The following TEX19 variants were observed in gnomAD, a reference collection of about 807,000 sequenced individuals.
TEX19 encodes the protein testis expressed 19, also known as testis-expressed protein 19.
For synonymous variants in TEX19, 77 were observed against 73.9 expected (o/e 1.04, Z -0.21); for missense variants, 184 against 194.4 (o/e 0.95, Z 0.32).
At chr17:82,360,757 G>T (rs1189772942) in intron 1 of TEX19, among the ~76,000 whole-genome samples, 30 of 58,944 alleles carry the variant, frequency 5.1e-4, no homozygotes, top group Non-Finnish European at 5.4e-4. Context: ...TTTCCCTCAG[G>T]TTCCCCCAGT....
intron 1 of TEX19, among the ~76,000 whole-genome samples, chr17:82,360,621 T>TCAGTTTCCCTCAGGTTCCCC (rs1567853305): frequency 1.3e-5 from 1 of 77,094 alleles, no homozygotes; most frequent in African/African-American, 5.6e-5. Flanking sequence ...TCAGGTTCCC[T>TCAGTTTCCCTCAGGTTCCCC]CAGTTTCCCT....
chr17:82,360,662 C>T (rs2052380064), intron 1 of TEX19, among the ~76,000 whole-genome samples: 1 of 135,526 alleles, frequency 7.4e-6, no homozygotes, highest in Non-Finnish European at 1.6e-5. Flanking sequence ...CAGGTTCCCT[C>T]GGGTTCCCTC....
rs1368743757 is a variant in TEX19, at chr17:82,362,652, T to A, written c.*7T>A. 1.3e-6 allele frequency: 2 copies of A among 1,528,978 alleles called. No homozygotes were observed. The highest frequency in any genetic ancestry group is 2.6e-5 in the South Asian group (2 of 76,074). The allele number at this position is 1,528,978 out of a possible 1,614,324, so 94.7% of individuals were successfully genotyped here. A position where few individuals can be genotyped will look rare whatever the true frequency, so the allele number is the denominator to read the frequency against. Reference sequence around the variant, plus strand: ...AAGCTTCTTTCCTTCATAGCAGGGGTTTCTCAAAGTGGACCTGCCCCCAGG... The same window carrying A: ...AAGCTTCTTTCCTTCATAGCAGGGGATTCTCAAAGTGGACCTGCCCCCAGG... On this transcript the variant is annotated 3_prime_UTR_variant, in exon 2 of 2. Coordinates refer to ENST00000333437, the MANE Select transcript of TEX19 (RefSeq NM_207459.4). The surrounding 1 kb of genome is among the most constrained non-coding windows in gnomAD (Gnocchi z 5.5).
In TEX19 at chr17:82,362,465, A is replaced by T; in HGVS notation, c.315A>T (p.Ala105=). ...SEAWGPGTLA[A]APEGLEDAGL... is the part of the protein sequence containing the mutation. Reference sequence around the variant, plus strand: ...CATGGGGGCCAGGGACCCTGGCAGCAGCCCCAGAAGGGTTGGAAGATGCAG... The same window carrying T: ...CATGGGGGCCAGGGACCCTGGCAGCTGCCCCAGAAGGGTTGGAAGATGCAG... Residue 105 remains alanine, a synonymous_variant, in exon 2 of 2, where the codon GCA becomes GCT. Coordinates refer to ENST00000333437, the MANE Select transcript of TEX19 (RefSeq NM_207459.4). This position sits in a 1 kb window ranked among gnomAD's most constrained non-coding sequence, Gnocchi z 5.5. 1 of 1,612,816 alleles carries T rather than the reference A, an allele frequency of 6.2e-7. No individual in the cohort carries two copies. Among genetic ancestry groups the T allele is most frequent in the Non-Finnish European group, 8.5e-7 (1 of 1,179,858 alleles).
At chr17:82,360,788 G>T (rs1398427350) in intron 1 of TEX19, among the ~76,000 whole-genome samples, 173 of 45,858 alleles carry the variant, frequency 3.8e-3, no homozygotes, top group Admixed American at 5.6e-3. Flanking sequence ...TTTCCCTCAG[G>T]TTCCCCCAGT....
rs2052413213 is a variant in TEX19, at chr17:82,363,667, G to A, written c.*1022G>A. 1 of 167,058 alleles carries A rather than the reference G, an allele frequency of 6.0e-6. No individual in the cohort carries two copies. The highest frequency in any genetic ancestry group is 2.4e-5 in the African/African-American group (1 of 41,432). The allele number at this position is 167,058 out of a possible 1,614,324, so 10.3% of individuals were successfully genotyped here. ...GCACTAGGATCTCTGGTCTACAGTG[G>A]AGGGAGAGCTGGTTTTAAATGTTGG... On this transcript the variant is annotated 3_prime_UTR_variant, in exon 2 of 2. Transcript: ENST00000333437.
intron 1 of TEX19, among the ~76,000 whole-genome samples, chr17:82,359,537 AGGTTCCCTC>A (rs1447718066): frequency 5.6e-5 from 6 of 107,752 alleles, no homozygotes; most frequent in Non-Finnish European, 7.8e-5. Context: ...AGTTTCCCTC[AGGTTCCCTC>A]AGTTTCCCTC....
At position 82,363,638 on chromosome 17, in the gene TEX19, A is replaced by G. The variant is rs1201021189; in HGVS notation, c.*993A>G. 1.2e-5 allele frequency: 2 copies of G among 167,106 alleles called. No individual in the cohort carries two copies. The highest frequency in any genetic ancestry group is 2.9e-5 in the Non-Finnish European group (2 of 68,134). 10.4% of individuals were successfully genotyped at this position (167,106 alleles called of 1,614,324 possible). ...CTCAGGGGTGCCACAAGACCCTGTC[A>G]GCAGCACTAGGATCTCTGGTCTACA... On this transcript the variant is annotated 3_prime_UTR_variant, in exon 2 of 2. Transcript: ENST00000333437.
chr17:82,360,035 C>T (rs1342932421), intron 1 of TEX19, among the ~76,000 whole-genome samples: 42 of 123,604 alleles, frequency 3.4e-4, no homozygotes, highest in Non-Finnish European at 5.0e-4. Flanking sequence ...TCAGGTTCCC[C>T]CAGTTTCCCC....
At chr17:82,359,641 GC>G (rs2052361217) in intron 1 of TEX19, among the ~76,000 whole-genome samples, 3 of 128,398 alleles carry the variant, frequency 2.3e-5, no homozygotes, top group Admixed American at 7.6e-5. Flanking sequence ...GTTTCCCTCA[GC>G]TTCCCTCAGG....
Position 82,361,683 on chromosome 17 carries a change from G to T in TEX19, c.-271-197G>T, listed in dbSNP as rs115174669. 5.4e-4 allele frequency: 533 copies of T among 985,372 alleles called. 2 individuals are homozygous for T. The African/African-American group carries it at 8.7e-3, about 16-fold the overall frequency. 61.0% of individuals were successfully genotyped at this position (985,372 alleles called of 1,614,324 possible). On this transcript the variant is annotated intron_variant, in intron 1 of 1. Coordinates refer to ENST00000333437, the MANE Select transcript of TEX19 (RefSeq NM_207459.4). ...GATGGGCTGTTGGGGTCCCTGAGGT[G>T]TAGGGGGTGGCTGATGAGCCCGGGG...
intron 1 of TEX19, among the ~76,000 whole-genome samples, chr17:82,360,484 TTTCCCTCAGG>T (rs1166147920): frequency 3.2e-5 from 4 of 124,032 alleles, no homozygotes; most frequent in African/African-American, 6.7e-5. Context: ...GTTCCCCCAG[TTTCCCTCAGG>T]TTCCCTCAGG....
Position 82,362,554 on chromosome 17 carries a change from GC to G in TEX19, c.406del (p.Glu137ArgfsTer45). 6.2e-7 allele frequency: 1 copy of G among 1,611,870 alleles called. No homozygotes were observed. The highest frequency in any genetic ancestry group is 8.5e-7 in the Non-Finnish European group (1 of 1,179,486). ...WPQEAVPLGL[G>X]LEDADWTQGL... ...CAGGAGGCTGTGCCCCTGGGCCTGG[GC>G]CTTGAGGATGCTGACTGGACCCAGG... is the stretch of plus-strand genomic sequence containing the variant. On this transcript the variant is annotated frameshift_variant, in exon 2 of 2. Coordinates refer to ENST00000333437, the MANE Select transcript of TEX19 (RefSeq NM_207459.4). LOFTEE classifies it low-confidence loss of function (END_TRUNC). This position sits in a 1 kb window ranked among gnomAD's most constrained non-coding sequence, Gnocchi z 5.5.
chr17:82,361,009 GTTCCCTCAGT>G (rs2052386088), intron 1 of TEX19, among the ~76,000 whole-genome samples: 1 of 84,638 alleles, frequency 1.2e-5, no homozygotes, highest in Non-Finnish European at 2.4e-5. Context: ...TTTCCCTCAG[GTTCCCTCAGT>G]TTCCCTCAGG....
chr17:82,362,113 C>T lies in TEX19; in HGVS notation c.-38C>T, dbSNP rs191126738. 2 of 1,569,668 alleles carry T rather than the reference C, an allele frequency of 1.3e-6. No homozygotes were observed. The highest frequency in any genetic ancestry group is 1.2e-5 in the South Asian group (1 of 82,286). ...TCCAAGATCCTCTGAAGGCCCAGCT[C>T]TTGCTGTCCACCCCGGCAGTAGGCA... On this transcript the variant is annotated 5_prime_UTR_variant, in exon 2 of 2. Transcript: ENST00000333437. This position sits in a 1 kb window ranked among gnomAD's most constrained non-coding sequence, Gnocchi z 5.5.
rs780818827 is a variant in TEX19, at chr17:82,362,542, C to CCCTGGG, written c.402_407dup (p.Gly135_Leu136dup). On this transcript the variant is annotated inframe_insertion, in exon 2 of 2. Coordinates refer to ENST00000333437, the MANE Select transcript of TEX19 (RefSeq NM_207459.4). This position sits in a 1 kb window ranked among gnomAD's most constrained non-coding sequence, Gnocchi z 5.5. ...GAACTATGGCCTCAGGAGGCTGTGC[C>CCCTGGG]CCTGGGCCTGGGCCTTGAGGATGCT... 1.2e-6 allele frequency: 2 copies of CCCTGGG among 1,612,490 alleles called. No individual in the cohort carries two copies. Among genetic ancestry groups the CCCTGGG allele is most frequent in the East Asian group, 4.5e-5 (2 of 44,892 alleles).
At chr17:82,360,996 CAGTTTCCCT>C (rs2052385786) in intron 1 of TEX19, among the ~76,000 whole-genome samples, 2 of 78,168 alleles carry the variant, frequency 2.6e-5, no homozygotes, top group Non-Finnish European at 5.4e-5. Context: ...CAGTTTTCCC[CAGTTTCCCT>C]CAGGTTCCCT....
At position 82,362,929 on chromosome 17, in the gene TEX19, G is replaced by A; in HGVS notation, c.*284G>A. The A allele has an allele frequency of 2.5e-6, 1 of 393,540 alleles. No individual in the cohort carries two copies. Among genetic ancestry groups the A allele is most frequent in the African/African-American group, 2.1e-5 (1 of 48,612 alleles). The allele number at this position is 393,540 out of a possible 1,614,324, so 24.4% of individuals were successfully genotyped here. A position where few individuals can be genotyped will look rare whatever the true frequency, so the allele number is the denominator to read the frequency against. ...CAGGACCTGCACTGGTGGATGCTGAGCATTCTAGAAACATCGTTAACAGGA... is the reference window on the plus strand; with the variant it reads ...CAGGACCTGCACTGGTGGATGCTGAACATTCTAGAAACATCGTTAACAGGA... On this transcript the variant is annotated 3_prime_UTR_variant, in exon 2 of 2. Coordinates refer to ENST00000333437, the MANE Select transcript of TEX19 (RefSeq NM_207459.4). This position sits in a 1 kb window ranked among gnomAD's most constrained non-coding sequence, Gnocchi z 5.5.
chr17:82,361,880 C>A lies in TEX19; in HGVS notation c.-271C>A. 1 of 766,338 alleles carries A rather than the reference C, an allele frequency of 1.3e-6. No individual in the cohort carries two copies. The highest frequency in any genetic ancestry group is 1.8e-6 in the Non-Finnish European group (1 of 549,554). 47.5% of individuals were successfully genotyped at this position (766,338 alleles called of 1,614,324 possible). On this transcript the variant is annotated splice_region_variant and 5_prime_UTR_variant, in exon 2 of 2. Transcript: ENST00000333437. ...AACCTCCCTTCCTTTGCCTTTCCAGCTCTCCTGAGACCACAGCAACTGCAG... is the reference window on the plus strand; with the variant it reads ...AACCTCCCTTCCTTTGCCTTTCCAGATCTCCTGAGACCACAGCAACTGCAG...
Sources: allele counts gnomAD v4.1 joint callset (sites outside exome capture counted in the v4.1 genomes callset), GRCh38; gene constraint gnomAD v4.1.1; non-coding constraint Gnocchi (gnomAD v3.1); transcripts MANE v1.5; gene names NCBI Gene and HGNC (gene_info 2026-07-23, HGNC 2026-07-21).